GPATCH2: variants seen among roughly 807,000 people sequenced by gnomAD.
GPATCH2 encodes the protein G-patch domain containing 2, also known as G patch domain-containing protein 2.
GPATCH2 carries 51 observed loss-of-function variants against 58.0 expected under a neutral mutation model. The observed-to-expected ratio is 0.88, with a 90% confidence interval of 0.70 to 1.11. The LOEUF (loss-of-function observed/expected upper bound fraction) is 1.11, where lower values mean the gene tolerates loss of function less well. Ranked by LOEUF, GPATCH2 falls within the 50% of genes most tolerant of loss-of-function variation. The pLI is 0.00. For missense variants in GPATCH2, 625 were observed against 652.2 expected (o/e 0.96, Z 0.45); for synonymous variants, 222 against 218.5 (o/e 1.02, Z -0.14).
Position 217,430,739 on chromosome 1 carries a change from G to C in GPATCH2, c.*406C>G, listed in dbSNP as rs1023775395. The C allele has an allele frequency of 5.2e-6, 1 of 191,332 alleles. No homozygotes were observed. The highest frequency in any genetic ancestry group is 2.4e-5 in the African/African-American group (1 of 42,136). 11.9% of individuals were successfully genotyped at this position (191,332 alleles called of 1,614,324 possible). A position where few individuals can be genotyped will look rare whatever the true frequency, so the allele number is the denominator to read the frequency against. ...CTTTTGGGTTACAATAGATAGGGAT[G>C]ATATAAAACACAATCTTTTCCTGTC... On this transcript the variant is annotated 3_prime_UTR_variant, in exon 10 of 10. Coordinates refer to ENST00000366935, the MANE Select transcript of GPATCH2 (RefSeq NM_018040.5).
intron 5 of GPATCH2, among the ~76,000 whole-genome samples, chr1:217,519,182 A>G (rs946142631): frequency 6.6e-6 from 1 of 152,226 alleles, no homozygotes; most frequent in Non-Finnish European, 1.5e-5. Context: ...AAGCATTTCA[A>G]ATGAGCACAC....
At chr1:217,496,745 C>A (rs1662027246) in intron 7 of GPATCH2, among the ~76,000 whole-genome samples, 1 of 152,100 alleles carries the variant, frequency 6.6e-6, no homozygotes, top group African/African-American at 2.4e-5. Flanking sequence ...GAAGATGAGA[C>A]CTGGGGCTCA....
At chr1:217,557,409 CAAAAAAAAAAAAA>C (rs772777496) in intron 5 of GPATCH2, among the ~76,000 whole-genome samples, 3 of 62,192 alleles carry the variant, frequency 4.8e-5, no homozygotes, top group South Asian at 5.2e-4. Flanking sequence ...AACCCCATCT[CAAAAAAAAAAAAA>C]AAAAAAAAAA....
At position 217,429,985 on chromosome 1, in the gene GPATCH2, T is replaced by C. The variant is rs2102515656; in HGVS notation, c.*1160A>G. The C allele has an allele frequency of 6.6e-6, 1 of 152,170 alleles. No individual in the cohort carries two copies. The highest frequency in any genetic ancestry group is 2.4e-5 in the African/African-American group (1 of 41,488). 9.4% of individuals were successfully genotyped at this position (152,170 alleles called of 1,614,324 possible). A position where few individuals can be genotyped will look rare whatever the true frequency, so the allele number is the denominator to read the frequency against. On this transcript the variant is annotated 3_prime_UTR_variant, in exon 10 of 10. Transcript: ENST00000366935. Reference sequence around the variant, plus strand: ...TGATAATAATCATCATCATAATAAGTTGTTAATAATGAAGATAATAAATAA... The same window carrying C: ...TGATAATAATCATCATCATAATAAGCTGTTAATAATGAAGATAATAAATAA...
chr1:217,576,947 C>G (rs1666835413), intron 5 of GPATCH2, among the ~76,000 whole-genome samples: 1 of 152,134 alleles, frequency 6.6e-6, no homozygotes, highest in Non-Finnish European at 1.5e-5. Flanking sequence ...CATTGTTTTG[C>G]TTTTGCTGCA....
chr1:217,513,216 G>A (rs1351538351), intron 6 of GPATCH2, among the ~76,000 whole-genome samples: 5 of 152,114 alleles, frequency 3.3e-5, no homozygotes, highest in African/African-American at 4.8e-5. Flanking sequence ...GCTTGAACCC[G>A]GGAGGCAGAG....
chr1:217,534,574 GA>G (rs34766373), intron 5 of GPATCH2, among the ~76,000 whole-genome samples: 27,809 of 147,118 alleles, frequency 0.19, 4,075 homozygotes, highest in African/African-American at 0.42. Context: ...TACAGTCTGT[GA>G]AAAAAAAAAA....
At chr1:217,577,905 C>G (rs12029335) in intron 5 of GPATCH2, among the ~76,000 whole-genome samples, 1 of 151,616 alleles carries the variant, frequency 6.6e-6, no homozygotes, top group Admixed American at 6.6e-5. Context: ...GCGCCACCAC[C>G]CCTGGCTAAT....
At chr1:217,575,732 A>G (rs1558497005) in intron 5 of GPATCH2, among the ~76,000 whole-genome samples, 1 of 152,200 alleles carries the variant, frequency 6.6e-6, no homozygotes, top group African/African-American at 2.4e-5. Context: ...CTAGATTTCA[A>G]TTTAATAGAA....
chr1:217,591,303 G>C (rs918726402), intron 5 of GPATCH2, among the ~76,000 whole-genome samples: 4 of 152,034 alleles, frequency 2.6e-5, no homozygotes, highest in African/African-American at 9.7e-5. Context: ...AATTTAAATT[G>C]TGTGTACGTG....
intron 8 of GPATCH2, among the ~76,000 whole-genome samples, chr1:217,461,509 A>G (rs1660196690): frequency 6.6e-6 from 1 of 152,222 alleles, no homozygotes; most frequent in Non-Finnish European, 1.5e-5. Flanking sequence ...TAGCAGTTAC[A>G]TGCCTTGCCA....
At chr1:217,600,683 A>G (rs1300770251) in intron 5 of GPATCH2, among the ~76,000 whole-genome samples, 1 of 152,128 alleles carries the variant, frequency 6.6e-6, no homozygotes, top group African/African-American at 2.4e-5. Flanking sequence ...AAAAAATAAT[A>G]ATAATGGGGA....
At chr1:217,549,922 G>A (rs900011423) in intron 5 of GPATCH2, among the ~76,000 whole-genome samples, 1 of 152,088 alleles carries the variant, frequency 6.6e-6, no homozygotes, top group African/African-American at 2.4e-5. Context: ...GATGACAATT[G>A]CTTTAAATTA....
intron 9 of GPATCH2, among the ~76,000 whole-genome samples, chr1:217,438,475 C>T (rs1307927282): frequency 6.6e-6 from 1 of 151,768 alleles, no homozygotes; most frequent in East Asian, 1.9e-4. Flanking sequence ...GAAAGCTAAC[C>T]ACCTTGAAAA....
intron 9 of GPATCH2, among the ~76,000 whole-genome samples, chr1:217,432,036 A>G (rs1303807213): frequency 6.6e-6 from 1 of 151,984 alleles, no homozygotes; most frequent in Non-Finnish European, 1.5e-5. Context: ...GAGGAAAATA[A>G]TATTAAAGAG....
At chr1:217,506,495 G>T (rs1662570839) in intron 6 of GPATCH2, among the ~76,000 whole-genome samples, 1 of 152,196 alleles carries the variant, frequency 6.6e-6, no homozygotes, top group Non-Finnish European at 1.5e-5. Flanking sequence ...GAAGCCATGT[G>T]GCTAGGTAAG....
At chr1:217,529,586 A>G (rs919584817) in intron 5 of GPATCH2, among the ~76,000 whole-genome samples, 1 of 152,154 alleles carries the variant, frequency 6.6e-6, no homozygotes, top group Non-Finnish European at 1.5e-5. Flanking sequence ...TACCCTTGAA[A>G]TTCTCAGCAT....
At chr1:217,524,410 C>G (rs1219294222) in intron 5 of GPATCH2, among the ~76,000 whole-genome samples, 1 of 148,732 alleles carries the variant, frequency 6.7e-6, no homozygotes, top group East Asian at 2.0e-4. Flanking sequence ...CCTCACATCC[C>G]AGACGATGGG....
intron 1 of GPATCH2, among the ~76,000 whole-genome samples, chr1:217,623,333 A>G (rs998028392): frequency 3.3e-5 from 5 of 152,164 alleles, no homozygotes; most frequent in African/African-American, 1.2e-4. Context: ...GCAGCACAGA[A>G]CATTTATAGT....
Sources: allele counts gnomAD v4.1 joint callset (sites outside exome capture counted in the v4.1 genomes callset), GRCh38; gene constraint gnomAD v4.1.1; transcripts MANE v1.5; gene names NCBI Gene and HGNC (gene_info 2026-07-23, HGNC 2026-07-21).